IQCK: variants seen among roughly 807,000 people sequenced by gnomAD.
IQCK encodes IQ domain-containing protein K.
A neutral mutation model predicts 28.1 loss-of-function variants in IQCK; 29 were observed. The observed-to-expected ratio is 1.03, with a 90% CI of 0.77 to 1.41. The LOEUF is 1.41. IQCK is among the 40% of genes most tolerant of loss of function. IQCK has a pLI of 0.00. For synonymous variants in IQCK, 113 were observed against 115.1 expected (o/e 0.98, Z 0.12); for missense variants, 359 against 314.7 (o/e 1.14, Z -1.07).
chr16:19,834,734 C>G (rs2056274131), intron 9 of IQCK, among the ~76,000 whole-genome samples: 1 of 152,158 alleles, frequency 6.6e-6, no homozygotes, highest in African/African-American at 2.4e-5. Flanking sequence ...TCCCTCTTTC[C>G]AAATCCTCTG....
At chr16:19,805,625 C>T (rs1447173037) in intron 7 of IQCK, among the ~76,000 whole-genome samples, 1 of 151,860 alleles carries the variant, frequency 6.6e-6, no homozygotes, top group Non-Finnish European at 1.5e-5. Context: ...TGCTGCATAA[C>T]AAATCACCCC....
chr16:19,763,516 C>T (rs187750936), intron 4 of IQCK, among the ~76,000 whole-genome samples: 35 of 152,128 alleles, frequency 2.3e-4, no homozygotes, highest in Non-Finnish European at 8.8e-5. Flanking sequence ...GGTCTCGGCT[C>T]ACTGCAACCT....
intron 6 of IQCK, among the ~76,000 whole-genome samples, chr16:19,782,809 C>T (rs1050515240): frequency 6.6e-6 from 1 of 152,074 alleles, no homozygotes; most frequent in African/African-American, 2.4e-5. Flanking sequence ...CTCAGATTTT[C>T]TTATTATGTA....
downstream of IQCK, among the ~76,000 whole-genome samples, chr16:19,829,272 A>G (rs1182270694): frequency 1.3e-5 from 2 of 150,968 alleles, no homozygotes; most frequent in Non-Finnish European, 2.9e-5. Flanking sequence ...CAGCCCCTCT[A>G]GTCTCTTTTC....
At chr16:19,785,509 A>G (rs2354585) in intron 6 of IQCK, among the ~76,000 whole-genome samples, 3,509 of 152,320 alleles carry the variant, frequency 0.023, 93 homozygotes, top group Admixed American at 0.064. Context: ...CTAAGTAACA[A>G]AAGGACCAGA....
At chr16:19,831,598 TTTA>T (rs1293352761), downstream of IQCK, among the ~76,000 whole-genome samples, 1 of 152,020 alleles carries the variant, frequency 6.6e-6, no homozygotes, top group African/African-American at 2.4e-5. Flanking sequence ...CTAGTTCTCC[TTTA>T]GACTTGCAAT....
At chr16:19,841,636 A>G (rs911648089) in intron 9 of IQCK, among the ~76,000 whole-genome samples, 2 of 152,216 alleles carry the variant, frequency 1.3e-5, no homozygotes, top group African/African-American at 4.8e-5. Flanking sequence ...AACTTGAGCT[A>G]ATTTCACCTA....
At chr16:19,751,433 A>AGTG (rs2054985480) in intron 4 of IQCK, among the ~76,000 whole-genome samples, 1 of 152,108 alleles carries the variant, frequency 6.6e-6, no homozygotes, top group Non-Finnish European at 1.5e-5. Flanking sequence ...AGCTATGATC[A>AGTG]CACCACTGCA....
intron 4 of IQCK, among the ~76,000 whole-genome samples, chr16:19,738,857 A>G (rs990352292): frequency 1.3e-5 from 2 of 152,100 alleles, no homozygotes; most frequent in Admixed American, 6.5e-5. Context: ...AAACCATCCA[A>G]TTCCACAGTG....
At chr16:19,837,086 A>G (rs184189119) in intron 9 of IQCK, among the ~76,000 whole-genome samples, 2 of 152,324 alleles carry the variant, frequency 1.3e-5, no homozygotes, top group South Asian at 2.1e-4. Flanking sequence ...AGCATTCAAC[A>G]TATCATTAAT....
intron 4 of IQCK, among the ~76,000 whole-genome samples, chr16:19,756,530 C>A (rs1042220766): frequency 2.0e-5 from 3 of 152,106 alleles, no homozygotes; most frequent in Non-Finnish European, 4.4e-5. Context: ...GATGGTAGAG[C>A]CTTTGGGAGG....
intron 6 of IQCK, among the ~76,000 whole-genome samples, chr16:19,766,835 C>A (rs900320645): frequency 1.3e-5 from 2 of 152,096 alleles, no homozygotes; most frequent in Non-Finnish European, 2.9e-5. Context: ...TTTGGGAGGC[C>A]GAGGTGGGTA....
chr16:19,742,716 G>T (rs1178465471), intron 4 of IQCK, among the ~76,000 whole-genome samples: 1 of 152,206 alleles, frequency 6.6e-6, no homozygotes, highest in Non-Finnish European at 1.5e-5. Flanking sequence ...AATACTTGCT[G>T]ATCTGCGTTT....
At chr16:19,775,479 C>G (rs971312111) in intron 6 of IQCK, among the ~76,000 whole-genome samples, 5 of 152,122 alleles carry the variant, frequency 3.3e-5, no homozygotes, top group Admixed American at 6.6e-5. Flanking sequence ...ATTCTGGGCA[C>G]TTTATAAATA....
chr16:19,829,909 A>G (rs1271627576), downstream of IQCK, among the ~76,000 whole-genome samples: 1 of 152,236 alleles, frequency 6.6e-6, no homozygotes, highest in Admixed American at 6.5e-5. Context: ...ATGAAATAAT[A>G]GGACACATTG....
intron 7 of IQCK, among the ~76,000 whole-genome samples, chr16:19,812,345 T>C (rs2055917845): frequency 6.6e-6 from 1 of 152,126 alleles, no homozygotes; most frequent in Non-Finnish European, 1.5e-5. Flanking sequence ...GAAGAGGCAA[T>C]AGGGAAGCTG....
intron 4 of IQCK, among the ~76,000 whole-genome samples, chr16:19,745,625 C>T (rs1477726688): frequency 3.3e-5 from 5 of 152,144 alleles, no homozygotes; most frequent in Non-Finnish European, 5.9e-5. Flanking sequence ...TATAATATAA[C>T]CTATTTATCA....
intron 6 of IQCK, among the ~76,000 whole-genome samples, chr16:19,780,212 T>C (rs1417730442): frequency 6.6e-6 from 1 of 151,942 alleles, no homozygotes; most frequent in Non-Finnish European, 1.5e-5. Flanking sequence ...TGGCTAATTT[T>C]TGTATTTTTA....
At chr16:19,782,293 G>A (rs993919552) in intron 6 of IQCK, among the ~76,000 whole-genome samples, 1 of 151,744 alleles carries the variant, frequency 6.6e-6, no homozygotes, top group Non-Finnish European at 1.5e-5. Context: ...GGCTGAGGCA[G>A]GAGAATTGCT....
Sources: gnomAD v4.1 joint callset for allele counts (sites outside exome capture counted in the v4.1 genomes callset) on GRCh38, gnomAD v4.1.1 for gene constraint, MANE v1.5 for transcripts, NCBI Gene and HGNC (gene_info 2026-07-23, HGNC 2026-07-21) for gene names.